RORA: variants seen among roughly 807,000 people sequenced by gnomAD.
RORA encodes RAR related orphan receptor A.
RORA carries 7 observed loss-of-function variants against 69.5 expected under a neutral mutation model. The observed-to-expected ratio is 0.10, with a 90% confidence interval of 0.06 to 0.19. RORA has a LOEUF of 0.19. Among genes scored for constraint, RORA ranks in the 10% least tolerant of loss-of-function variants. The pLI, the probability that RORA is intolerant of heterozygous loss-of-function variation, is 1.00. For synonymous variants in RORA, 261 were observed against 240.8 expected (o/e 1.08, Z -0.78); for missense variants, 457 against 663.0 (o/e 0.69, Z 3.41).
chr15:61,044,984 C>T (rs558799732), intron 1 of RORA, among the ~76,000 whole-genome samples: 4 of 152,290 alleles, frequency 2.6e-5, no homozygotes, highest in Admixed American at 1.3e-4. Context: ...TGGGGGCACT[C>T]GGGAAAATGT....
In RORA at chr15:60,974,466, G is replaced by C. The variant is rs1329187224; in HGVS notation, c.166+254587C>G. 6.0e-5 allele frequency among the ~76,000 whole-genome samples: 9 copies of C among 151,260 alleles called. No individual in the cohort carries two copies. In the East Asian group the frequency reaches 1.6e-3, roughly 27 times the overall value. ...ACAGCCAGCCAGGTAGTTCTGAGGA[G>C]CAAAGCCCTGCTAAGGAGAGTGTGA... On this transcript the variant is annotated intron_variant, in intron 1 of 10. Coordinates refer to ENST00000335670, the MANE Select transcript of RORA (RefSeq NM_134261.3).
intron 2 of RORA, among the ~76,000 whole-genome samples, chr15:60,623,889 A>C (rs2069487885): frequency 6.6e-6 from 1 of 152,220 alleles, no homozygotes; most frequent in South Asian, 2.1e-4. Context: ...ATCACTAAAT[A>C]AGTTATAGCT....
chr15:61,192,997 C>T (rs370197335), intron 1 of RORA, among the ~76,000 whole-genome samples: 4 of 152,296 alleles, frequency 2.6e-5, no homozygotes, highest in African/African-American at 7.2e-5. Context: ...AAACCTTCAA[C>T]GACTCTCTGT....
chr15:61,120,543 C>CA (rs887712691), intron 1 of RORA, among the ~76,000 whole-genome samples: 7 of 151,058 alleles, frequency 4.6e-5, no homozygotes, highest in East Asian at 2.0e-4. Context: ...ACTAAAAATG[C>CA]AAAAAAAATT....
intron 2 of RORA, among the ~76,000 whole-genome samples, chr15:60,550,820 G>C (rs1422389727): frequency 1.3e-5 from 2 of 152,114 alleles, no homozygotes; most frequent in African/African-American, 2.4e-5. Context: ...TTTCATGGAA[G>C]ACAGGCATAC....
At chr15:60,510,011 A>G (rs1376886120) in intron 5 of RORA, among the ~76,000 whole-genome samples, 1 of 152,240 alleles carries the variant, frequency 6.6e-6, no homozygotes. Context: ...ATTTGGAGAA[A>G]GATTTTACTG....
At chr15:60,714,021 A>G (rs183872138) in intron 1 of RORA, among the ~76,000 whole-genome samples, 5 of 152,030 alleles carry the variant, frequency 3.3e-5, no homozygotes, top group Admixed American at 3.3e-4. Flanking sequence ...GAAGAAATTG[A>G]ATTAGCACCT....
intron 2 of RORA, among the ~76,000 whole-genome samples, chr15:60,634,192 TTAC>T (rs939079840): frequency 6.6e-6 from 1 of 152,216 alleles, no homozygotes; most frequent in African/African-American, 2.4e-5. Context: ...TAATTGTCTA[TTAC>T]TTTTAGAATA....
At chr15:60,634,399 C>CTTTTTTTTTTTT (rs10604472) in intron 2 of RORA, among the ~76,000 whole-genome samples, 1 of 142,614 alleles carries the variant, frequency 7.0e-6, no homozygotes. Context: ...AGTGCTACCA[C>CTTTTTTTTTTTT]TTTTTTTTTT....
intron 1 of RORA, among the ~76,000 whole-genome samples, chr15:60,851,777 A>ATT (rs11433611): frequency 4.9e-5 from 7 of 142,006 alleles, no homozygotes; most frequent in South Asian, 2.2e-4. Context: ...AGAGAGAGAG[A>ATT]TTTTTTTTTT....
At position 60,647,360 on chromosome 15, in the gene RORA, A is replaced by G. The variant is rs150587650; in HGVS notation, c.196+31297T>C. Reference sequence around the variant, plus strand: ...AGCCAGAAAAGACAGAGACTTATGAAGCCCTGCATAGGTGACACCCGAAAT... The same window carrying G: ...AGCCAGAAAAGACAGAGACTTATGAGGCCCTGCATAGGTGACACCCGAAAT... On this transcript the variant is annotated intron_variant, in intron 2 of 10. Transcript: ENST00000335670. Among the ~76,000 whole-genome samples, 859 of 152,332 alleles carry G rather than the reference A, an allele frequency of 5.6e-3. 7 individuals carry two copies. Among genetic ancestry groups the G allele is most frequent in the Non-Finnish European group, 9.1e-3 (617 of 68,036 alleles).
chr15:60,942,893 C>T (rs1404379435), intron 1 of RORA, among the ~76,000 whole-genome samples: 1 of 152,240 alleles, frequency 6.6e-6, no homozygotes, highest in South Asian at 2.1e-4. Flanking sequence ...ACAAATAAAG[C>T]TAACAATATT....
At chr15:60,846,089 C>A (rs17204524) in intron 1 of RORA, among the ~76,000 whole-genome samples, 18,888 of 152,160 alleles carry the variant, frequency 0.12, 1,412 homozygotes, top group Admixed American at 0.22. Context: ...CCCTTCAGAC[C>A]CTCTTAATCT....
At chr15:60,762,613 T>C (rs1595694490) in intron 1 of RORA, among the ~76,000 whole-genome samples, 1 of 152,246 alleles carries the variant, frequency 6.6e-6, no homozygotes, top group Non-Finnish European at 1.5e-5. Flanking sequence ...AGGTTGCTTA[T>C]ACACATATTT....
At chr15:60,920,009 G>A (rs2128164) in intron 1 of RORA, among the ~76,000 whole-genome samples, 94,700 of 151,608 alleles carry the variant, frequency 0.62, 30,181 homozygotes, top group East Asian at 0.87. Flanking sequence ...TGTGCTAACT[G>A]CATACGAAGG....
At chr15:61,182,792 A>C (rs1595340) in intron 1 of RORA, 1 of 152,238 alleles carries the variant, frequency 6.6e-6, no homozygotes, top group Non-Finnish European at 1.5e-5. Flanking sequence ...ACAATATACC[A>C]ATGATATGAT....
At chr15:61,017,978 T>C (rs927631083) in intron 1 of RORA, among the ~76,000 whole-genome samples, 6 of 152,174 alleles carry the variant, frequency 3.9e-5, no homozygotes, top group Non-Finnish European at 5.9e-5. Context: ...ATAAAAAGCA[T>C]TGCAGCATGC....
chr15:60,921,269 T>A (rs796503162), intron 1 of RORA, among the ~76,000 whole-genome samples: 2 of 152,200 alleles, frequency 1.3e-5, no homozygotes, highest in African/African-American at 4.8e-5. Context: ...AACCCCAAAA[T>A]GGAAATACCA....
chr15:60,972,085 G>A (rs574512157), intron 1 of RORA, among the ~76,000 whole-genome samples: 26 of 152,270 alleles, frequency 1.7e-4, no homozygotes, highest in African/African-American at 5.5e-4. Context: ...TAAGAGATCC[G>A]GGAAGAAAAT....
Sources: allele counts gnomAD v4.1 joint callset (sites outside exome capture counted in the v4.1 genomes callset), GRCh38; gene constraint gnomAD v4.1.1; transcripts MANE v1.5; gene names NCBI Gene and HGNC (gene_info 2026-07-23, HGNC 2026-07-21).